The following COLEC10 variants were observed in gnomAD, a reference collection of about 807,000 sequenced individuals.
COLEC10 encodes collectin-10.
In COLEC10, 22 loss-of-function variants were observed where a neutral mutation model predicts 28.4. The ratio of observed to expected loss-of-function variants is 0.78; its 90% CI spans 0.55 to 1.11. The LOEUF (loss-of-function observed/expected upper bound fraction) is 1.11, where lower values mean the gene tolerates loss of function less well. COLEC10 is among the 50% of genes least tolerant of loss of function. The pLI is 0.00. For missense variants in COLEC10, 361 were observed against 344.1 expected (o/e 1.05, Z -0.39); for synonymous variants, 125 against 116.1 (o/e 1.08, Z -0.49).
the COLEC10 span, among the ~76,000 whole-genome samples, chr8:118,969,229 G>T: frequency 1.5e-4 from 23 of 152,128 alleles, no homozygotes; most frequent in African/African-American, 5.5e-4. Flanking sequence ...GTCTCCAGAA[G>T]GAACCAGCAC....
the COLEC10 span, among the ~76,000 whole-genome samples, chr8:118,953,766 C>T: frequency 1.3e-5 from 2 of 152,248 alleles, no homozygotes; most frequent in South Asian, 4.1e-4. Context: ...TATGATTATT[C>T]TAGGGGAATA....
chr8:118,964,319 T>C, the COLEC10 span, among the ~76,000 whole-genome samples: 1 of 152,196 alleles, frequency 6.6e-6, no homozygotes, highest in Non-Finnish European at 1.5e-5. Flanking sequence ...ATTACAAATA[T>C]ATCGATCCCT....
the COLEC10 span, among the ~76,000 whole-genome samples, chr8:118,983,551 TG>T: frequency 6.6e-6 from 1 of 152,044 alleles, no homozygotes; most frequent in Admixed American, 6.6e-5. Flanking sequence ...TCCTAACCCC[TG>T]GAACTTGTGA....
chr8:118,956,234 C>T, the COLEC10 span, among the ~76,000 whole-genome samples: 1 of 152,172 alleles, frequency 6.6e-6, no homozygotes, highest in Non-Finnish European at 1.5e-5. Flanking sequence ...TTCCTAATAG[C>T]ATCACCTTGA....
the COLEC10 span, among the ~76,000 whole-genome samples, chr8:118,960,003 G>A: frequency 6.6e-6 from 1 of 152,222 alleles, no homozygotes; most frequent in South Asian, 2.1e-4. Context: ...GAAAGGAGAT[G>A]TAAATGGTAT....
intron 3 of COLEC10, among the ~76,000 whole-genome samples, chr8:119,091,875 G>T (rs1458765538): frequency 1.3e-5 from 2 of 152,084 alleles, no homozygotes; most frequent in African/African-American, 4.8e-5. Flanking sequence ...GGATCTACTT[G>T]TTGGCTACAA....
intron 1 of COLEC10, among the ~76,000 whole-genome samples, chr8:118,999,984 GAAGGCATATTTGTATGCAAAT>G (rs1455793965): frequency 6.6e-6 from 1 of 152,120 alleles, no homozygotes; most frequent in South Asian, 2.1e-4. Flanking sequence ...TAGGTGATAT[GAAGGCATATTTGTATGCAAAT>G]AGAAATGATC....
intron 3 of COLEC10, among the ~76,000 whole-genome samples, chr8:119,098,043 C>G (rs1233358466): frequency 6.6e-6 from 1 of 152,048 alleles, no homozygotes; most frequent in Non-Finnish European, 1.5e-5. Flanking sequence ...AACTGAAGCT[C>G]TGTACCCAGT....
rs370996630 is a variant in COLEC10 at position 119,009,808 on chromosome 8, G to A, written n.235+255G>A. 4.8e-4 allele frequency among the ~76,000 whole-genome samples: 71 copies of A among 149,172 alleles called. 5 individuals carry two copies. The highest frequency in any genetic ancestry group is 1.7e-3 in the African/African-American group (66 of 39,066). ...CTCCCAATAGTTATAATAAAAGAGT[G>A]TAACAACTTACCCGCAATTGAAAGC... On this transcript the variant is annotated intron_variant and non_coding_transcript_variant, in intron 2 of 6. Transcript: ENST00000521788.
chr8:119,096,266 A>G (rs1815714863), intron 3 of COLEC10, among the ~76,000 whole-genome samples: 1 of 152,184 alleles, frequency 6.6e-6, no homozygotes, highest in Non-Finnish European at 1.5e-5. Context: ...CTAACCATGT[A>G]AGAAAAACTA....
chr8:118,964,601 G>T, the COLEC10 span, among the ~76,000 whole-genome samples: 1 of 152,136 alleles, frequency 6.6e-6, no homozygotes, highest in Admixed American at 6.5e-5. Flanking sequence ...AAATTAAGAT[G>T]AAAGAAAAGG....
chr8:119,070,992 C>T (rs2130232465), intron 1 of COLEC10, among the ~76,000 whole-genome samples: 1 of 152,312 alleles, frequency 6.6e-6, no homozygotes, highest in Non-Finnish European at 1.5e-5. Flanking sequence ...AATCTTGCAA[C>T]TTGAACTTGA....
chr8:119,097,069 A>C (rs1815734908), intron 3 of COLEC10, among the ~76,000 whole-genome samples: 1 of 152,132 alleles, frequency 6.6e-6, no homozygotes, highest in Non-Finnish European at 1.5e-5. Flanking sequence ...AACATGAAAA[A>C]TTTATAGCTT....
the COLEC10 span, among the ~76,000 whole-genome samples, chr8:118,984,390 T>C: frequency 6.6e-6 from 1 of 152,058 alleles, no homozygotes; most frequent in Non-Finnish European, 1.5e-5. Context: ...CGTACTAGGC[T>C]TAGTACCTGA....
chr8:118,984,548 C>T, the COLEC10 span, among the ~76,000 whole-genome samples: 2,489 of 152,176 alleles, frequency 0.016, 65 homozygotes, highest in African/African-American at 0.057. Context: ...TAGGGTCATA[C>T]TGGATTATGT....
chr8:119,043,674 A>T (rs1587015254), intron 2 of COLEC10, among the ~76,000 whole-genome samples: 1 of 152,336 alleles, frequency 6.6e-6, no homozygotes, highest in East Asian at 1.9e-4. Context: ...TTTCATACTT[A>T]TTAAAATTTT....
intron 1 of COLEC10, among the ~76,000 whole-genome samples, chr8:118,998,670 C>T (rs1813634260): frequency 8.0e-6 from 1 of 124,574 alleles, no homozygotes; most frequent in Non-Finnish European, 1.6e-5. Context: ...AACCCCGTCT[C>T]TACTGAAAAA....
At chr8:119,080,836 G>A (rs1815353332) in intron 1 of COLEC10, among the ~76,000 whole-genome samples, 1 of 151,802 alleles carries the variant, frequency 6.6e-6, no homozygotes, top group Non-Finnish European at 1.5e-5. Context: ...TCTAAATGAT[G>A]TCATACATAC....
intron 2 of COLEC10, among the ~76,000 whole-genome samples, chr8:119,037,347 G>C (rs78540318): frequency 6.6e-6 from 1 of 152,114 alleles, no homozygotes; most frequent in Non-Finnish European, 1.5e-5. Context: ...TTCATTCATA[G>C]TTACTAAATA....
Sources: gnomAD v4.1 joint callset for allele counts (sites outside exome capture counted in the v4.1 genomes callset) on GRCh38, gnomAD v4.1.1 for gene constraint, MANE v1.5 for transcripts, NCBI Gene and HGNC (gene_info 2026-07-23, HGNC 2026-07-21) for gene names.